Variants in CNOT1 observed in about 807,000 individuals in gnomAD.
CNOT1 encodes CCR4-NOT transcription complex subunit 1.
A neutral mutation model predicts 273.8 loss-of-function variants in CNOT1; 15 were observed. That is an observed-to-expected ratio of 0.05 (90% CI 0.04 to 0.08). CNOT1 has a LOEUF of 0.08. Among genes scored for constraint, CNOT1 ranks in the 10% least tolerant of loss-of-function variants. The pLI is 1.00. For missense variants in CNOT1, 1,644 were observed against 2,912.2 expected (o/e 0.56, Z 10.02); for synonymous variants, 1,022 against 1,005.5 (o/e 1.02, Z -0.31).
In CNOT1 at chr16:58,542,223, A is replaced by T; in HGVS notation, c.4680+8T>A. The T allele has an allele frequency of 6.2e-7, 1 of 1,613,254 alleles. No homozygotes were observed. The highest frequency in any genetic ancestry group is 8.5e-7 in the Non-Finnish European group (1 of 1,179,806). ...TGGGACGGGGAAAGACAGAGCCCCA[A>T]TTCTCACTTTCAGCCTGATTTGCTC... On this transcript the variant is annotated splice_region_variant and intron_variant, in intron 33 of 48. Coordinates refer to ENST00000317147, the MANE Select transcript of CNOT1 (RefSeq NM_016284.5).
chr16:58,594,802 TA>T (rs879789353), intron 2 of CNOT1, among the ~76,000 whole-genome samples: 172 of 124,590 alleles, frequency 1.4e-3, no homozygotes, highest in Admixed American at 1.3e-3. Context: ...ACTGTCTCAT[TA>T]AAAAAAAAAA....
intron 1 of CNOT1, among the ~76,000 whole-genome samples, chr16:58,620,535 C>T (rs1243430405): frequency 1.3e-5 from 2 of 151,348 alleles, no homozygotes; most frequent in African/African-American, 2.4e-5. Context: ...CCCAGCTACT[C>T]GGCGGGGATA....
At chr16:58,551,918 CT>C in intron 22 of CNOT1, 99 bp from the exon 23 acceptor site, 5 of 1,491,972 alleles carry the variant, frequency 3.4e-6, no homozygotes, top group Non-Finnish European at 4.5e-6. Flanking sequence ...TCTGAGTGCT[CT>C]TTTGGTTCAT....
rs774826730 is a variant in CNOT1 at position 58,538,813 on chromosome 16, G to A, written c.5094C>T (p.Gly1698=). Residue 1698 remains glycine (G), a synonymous_variant, in exon 36 of 49, where the codon GGC becomes GGT. Coordinates refer to ENST00000317147, the MANE Select transcript of CNOT1 (RefSeq NM_016284.5). The part of the protein sequence containing the change: ...HLLVLKALQD[G]RAYGSPWCNK... The stretch of plus-strand genomic sequence containing the variant: ...TGCACCATGGAGACCCATATGCCCG[G>A]CCATCCTGCAGAGCTTTTAGGACCA... The A allele has an allele frequency of 6.2e-7, 1 of 1,612,488 alleles. No individual in the cohort carries two copies.
intron 34 of CNOT1, 53 bp downstream of exon 34, chr16:58,541,448 A>G (rs2040094025): frequency 6.3e-7 from 1 of 1,586,104 alleles, no homozygotes; most frequent in Admixed American, 1.8e-5. Flanking sequence ...TTAAATGTCA[A>G]AAACATTTAA....
chr16:58,555,289 A>G lies in CNOT1; in HGVS notation c.2853T>C (p.Tyr951=). 1.9e-6 allele frequency: 3 copies of G among 1,614,158 alleles called. No individual in the cohort carries two copies. The highest frequency in any genetic ancestry group is 2.5e-6 in the Non-Finnish European group (3 of 1,180,032). Residue 951 remains tyrosine, a synonymous_variant, in exon 21 of 49, where the codon TAT becomes TAC. Coordinates refer to ENST00000317147, the MANE Select transcript of CNOT1 (RefSeq NM_016284.5). ...TATCTAGTGCAGCAATCCCGAAATAATACATTTTGGATCCAAAAGGCTTGC... is the reference window on the plus strand; with the variant it reads ...TATCTAGTGCAGCAATCCCGAAATAGTACATTTTGGATCCAAAAGGCTTGC... ...ALRKPFGSKM[Y]YFGIAALDRF...
chr16:58,613,894 C>T (rs2042986210), intron 1 of CNOT1, among the ~76,000 whole-genome samples: 1 of 119,674 alleles, frequency 8.4e-6, no homozygotes, highest in Non-Finnish European at 2.0e-5. Context: ...AGGGACCATC[C>T]TGGCTAACAT....
intron 16 of CNOT1, among the ~76,000 whole-genome samples, chr16:58,562,481 G>C (rs1327249168): frequency 6.9e-6 from 1 of 144,730 alleles, no homozygotes; most frequent in Non-Finnish European, 1.5e-5. Context: ...TCCAGTCTTA[G>C]AGAAAGAACA....
rs1193949978 is a variant in CNOT1 at position 58,538,019 on chromosome 16, A to G, written c.5286T>C (p.Ala1762=). 6.2e-7 allele frequency: 1 copy of G among 1,614,232 alleles called. No homozygotes were observed. Among genetic ancestry groups the G allele is most frequent in the South Asian group, 1.1e-5 (1 of 91,088 alleles). Residue 1762 remains alanine (A), a synonymous_variant, in exon 38 of 49, where the codon GCT becomes GCC. Transcript: ENST00000317147. The part of the protein sequence containing the change: ...NGLNYMAVAF[A]MQLVKILLVD... The stretch of plus-strand genomic sequence containing the variant: ...CCAGCAGGATTTTTACTAACTGCAT[A>G]GCAAATGCCACAGCCATGTAGTTTA...
chr16:58,598,163 C>T (rs919219763), intron 2 of CNOT1, among the ~76,000 whole-genome samples: 2 of 151,932 alleles, frequency 1.3e-5, no homozygotes, highest in Admixed American at 1.3e-4. Flanking sequence ...CTTTGGGAGG[C>T]CGAGGCAGGC....
At chr16:58,610,109 A>C (rs1247696977) in intron 1 of CNOT1, among the ~76,000 whole-genome samples, 3 of 152,198 alleles carry the variant, frequency 2.0e-5, no homozygotes, top group Non-Finnish European at 4.4e-5. Flanking sequence ...GAAAGGGGAG[A>C]GAGGGCTATT....
chr16:58,588,677 A>T, intron 3 of CNOT1, 122 bp downstream of exon 3: 1 of 1,238,276 alleles, frequency 8.1e-7, no homozygotes, highest in South Asian at 1.4e-5. Context: ...ACACCTTTTC[A>T]CCATCCAGCT....
chr16:58,625,050 CCAGCCTGGGAAA>C (rs1256392831), intron 1 of CNOT1, among the ~76,000 whole-genome samples: 1 of 151,870 alleles, frequency 6.6e-6, no homozygotes, highest in Non-Finnish European at 1.5e-5. Context: ...GAGTTCCAGA[CCAGCCTGGGAAA>C]CACAGTGAAA....
intron 14 of CNOT1, among the ~76,000 whole-genome samples, chr16:58,575,489 C>T (rs563375804): frequency 1.8e-4 from 28 of 152,114 alleles, no homozygotes; most frequent in Non-Finnish European, 3.5e-4. Flanking sequence ...TACATTAATG[C>T]ACCTAGTGAT....
chr16:58,539,386 GAGA>G (rs1221108833), intron 35 of CNOT1, among the ~76,000 whole-genome samples: 1 of 151,686 alleles, frequency 6.6e-6, no homozygotes, highest in Non-Finnish European at 1.5e-5. Context: ...CCAGCTACTC[GAGA>G]AGGTGATGTG....
intron 2 of CNOT1, among the ~76,000 whole-genome samples, chr16:58,589,170 A>G (rs547770046): frequency 6.6e-6 from 1 of 152,230 alleles, no homozygotes; most frequent in South Asian, 2.1e-4. Flanking sequence ...CTGAGTAGCT[A>G]AGATCACAGG....
At chr16:58,583,609 T>C (rs763719539) in intron 8 of CNOT1, among the ~76,000 whole-genome samples, 7 of 151,872 alleles carry the variant, frequency 4.6e-5, no homozygotes, top group Non-Finnish European at 8.8e-5. Flanking sequence ...AGTACAAGAG[T>C]ACTGGAGTAC....
At chr16:58,607,854 C>T (rs576370608) in intron 1 of CNOT1, among the ~76,000 whole-genome samples, 86 of 151,758 alleles carry the variant, frequency 5.7e-4, no homozygotes, top group African/African-American at 2.0e-3. Flanking sequence ...TTCTGAGCCA[C>T]GTAAATATAT....
intron 8 of CNOT1, among the ~76,000 whole-genome samples, chr16:58,584,971 A>G (rs1177160984): frequency 6.6e-6 from 1 of 152,032 alleles, no homozygotes; most frequent in Admixed American, 6.6e-5. Context: ...AAGAAATTAG[A>G]GGGGTGGGGG....
Sources: gnomAD v4.1 joint callset for allele counts (sites outside exome capture counted in the v4.1 genomes callset) on GRCh38, gnomAD v4.1.1 for gene constraint, MANE v1.5 for transcripts, NCBI Gene and HGNC (gene_info 2026-07-23, HGNC 2026-07-21) for gene names.